FER1L6: variants seen among roughly 807,000 people sequenced by gnomAD.
FER1L6 encodes fer-1-like protein 6.
A neutral mutation model predicts 219.2 loss-of-function variants in FER1L6; 177 were observed. The observed-to-expected ratio is 0.81, with a 90% CI of 0.71 to 0.91. The LOEUF (loss-of-function observed/expected upper bound fraction) is 0.91. Ranked by LOEUF, FER1L6 falls within the 40% of genes least tolerant of loss-of-function variation. The pLI is 0.00. For missense variants in FER1L6, 2,153 were observed against 2,259.9 expected (o/e 0.95, Z 0.96); for synonymous variants, 768 against 824.3 (o/e 0.93, Z 1.17).
At chr8:124,072,795 A>G (rs1821131636) in intron 31 of FER1L6, among the ~76,000 whole-genome samples, 1 of 152,172 alleles carries the variant, frequency 6.6e-6, no homozygotes, top group Non-Finnish European at 1.5e-5. Context: ...AACATGAAAC[A>G]CCACCCTCAG....
intron 1 of FER1L6, among the ~76,000 whole-genome samples, chr8:123,920,589 G>T (rs533930934): frequency 1.3e-5 from 2 of 152,352 alleles, no homozygotes; most frequent in South Asian, 4.1e-4. Context: ...GGCTACAGTT[G>T]TGTAGAAAAC....
At chr8:124,015,278 G>A (rs1190653655) in intron 15 of FER1L6, among the ~76,000 whole-genome samples, 1 of 152,082 alleles carries the variant, frequency 6.6e-6, no homozygotes, top group Non-Finnish European at 1.5e-5. Context: ...TGAATTGCAG[G>A]AGGTAGGACT....
At chr8:124,062,122 C>G (rs937304722) in intron 25 of FER1L6, 90 bp downstream of exon 25, 2 of 1,382,478 alleles carry the variant, frequency 1.4e-6, no homozygotes, top group South Asian at 2.6e-5. Flanking sequence ...AAAGAGGATG[C>G]CCCACAGCCA....
At chr8:123,984,294 C>A (rs758438768) in intron 11 of FER1L6, 2 of 152,174 alleles carry the variant, frequency 1.3e-5, no homozygotes, top group African/African-American at 2.4e-5. Flanking sequence ...CAATCAGCCT[C>A]GGAATGGAAG....
chr8:124,033,345 G>A (rs1448819769), intron 18 of FER1L6, among the ~76,000 whole-genome samples: 2 of 152,168 alleles, frequency 1.3e-5, no homozygotes, highest in East Asian at 1.9e-4. Context: ...CTTTCAATAC[G>A]TATTAATTTT....
chr8:123,970,095 T>G lies in FER1L6; in HGVS notation c.445T>G (p.Ser149Ala). The change falls in exon 6 of 41, where the codon TCC (serine) becomes GCC (alanine). Residue 149 changes from serine to alanine, a missense_variant and splice_region_variant. By Grantham distance (99) the Ser-to-Ala change is moderately conservative. Transcript: ENST00000522917. ...VHLFDKIIKI[S>A]VFHHKLIGSV... Reference sequence around the variant, plus strand: ...TCTTTTTGACAAGATCATCAAAATCTCCGTAAGTATAGCATTGGTGGTAAT... The same window carrying G: ...TCTTTTTGACAAGATCATCAAAATCGCCGTAAGTATAGCATTGGTGGTAAT... 1 of 1,613,800 alleles carries G rather than the reference T, an allele frequency of 6.2e-7. No homozygotes were observed. The highest frequency in any genetic ancestry group is 1.3e-5 in the African/African-American group (1 of 75,024).
chr8:123,946,001 T>A (rs1422497989), intron 1 of FER1L6, among the ~76,000 whole-genome samples: 1 of 152,108 alleles, frequency 6.6e-6, no homozygotes, highest in Non-Finnish European at 1.5e-5. Flanking sequence ...AAAAAGTCAA[T>A]TTTGACTGAA....
At chr8:123,945,574 G>T (rs144763027) in intron 1 of FER1L6, among the ~76,000 whole-genome samples, 90 of 152,176 alleles carry the variant, frequency 5.9e-4, no homozygotes, top group African/African-American at 2.1e-3. Context: ...ATTTCTGGCG[G>T]TTACTTTTTT....
chr8:124,045,117 C>T (rs1351323169), intron 20 of FER1L6, among the ~76,000 whole-genome samples: 1 of 152,196 alleles, frequency 6.6e-6, no homozygotes, highest in Non-Finnish European at 1.5e-5. Flanking sequence ...AGGTCAAATA[C>T]CCAACTTCAG....
At chr8:124,059,117 G>A (rs141536593) in intron 22 of FER1L6, 4 of 152,318 alleles carry the variant, frequency 2.6e-5, no homozygotes, top group African/African-American at 9.6e-5. Flanking sequence ...GAGGGGCTTG[G>A]AGAATGAAGT....
chr8:123,952,493 C>T (rs746539617), intron 1 of FER1L6, among the ~76,000 whole-genome samples: 24 of 152,182 alleles, frequency 1.6e-4, no homozygotes, highest in Non-Finnish European at 2.6e-4. Context: ...TTCCTGTGTA[C>T]CTCTTGCCTT....
At chr8:123,940,673 G>A (rs890990360) in intron 1 of FER1L6, among the ~76,000 whole-genome samples, 1 of 152,118 alleles carries the variant, frequency 6.6e-6, no homozygotes, top group African/African-American at 2.4e-5. Flanking sequence ...AATATGATCT[G>A]TCTTTTGCAT....
At chr8:124,035,550 T>A in intron 19 of FER1L6, 96 bp downstream of exon 19, 1 of 1,244,358 alleles carries the variant, frequency 8.0e-7, no homozygotes, top group Non-Finnish European at 1.1e-6. Flanking sequence ...TTTTTGCACA[T>A]TATTTTAGGG....
At chr8:123,927,497 A>G (rs2129891149) in intron 1 of FER1L6, among the ~76,000 whole-genome samples, 1 of 152,334 alleles carries the variant, frequency 6.6e-6, no homozygotes, top group Middle Eastern at 3.4e-3. Context: ...TTGTATTTAA[A>G]TATCCAAGGA....
intron 1 of FER1L6, among the ~76,000 whole-genome samples, chr8:123,860,425 A>G (rs1816726722): frequency 3.2e-4 from 26 of 81,870 alleles, no homozygotes; most frequent in Non-Finnish European, 3.6e-4. Flanking sequence ...ATTGTGAATA[A>G]TGCCGCAATA....
At chr8:124,100,287 G>A (rs534689217) in intron 37 of FER1L6, among the ~76,000 whole-genome samples, 40 of 152,284 alleles carry the variant, frequency 2.6e-4, no homozygotes, top group Non-Finnish European at 1.8e-4. Flanking sequence ...TGTAACTTAC[G>A]TTATGCTGGG....
intron 1 of FER1L6, among the ~76,000 whole-genome samples, chr8:123,879,898 C>A (rs923650555): frequency 1.3e-5 from 2 of 152,130 alleles, no homozygotes; most frequent in African/African-American, 4.8e-5. Context: ...TTGGATGCTG[C>A]CTTATTACCA....
chr8:124,102,018 G>C (rs1822568858), intron 38 of FER1L6, among the ~76,000 whole-genome samples: 1 of 152,178 alleles, frequency 6.6e-6, no homozygotes, highest in African/African-American at 2.4e-5. Context: ...GAATGTCTAG[G>C]TTATGATAAG....
chr8:124,039,755 T>C (rs1411063255), intron 19 of FER1L6, 127 bp from the exon 20 acceptor site: 2 of 1,176,686 alleles, frequency 1.7e-6, no homozygotes, highest in African/African-American at 1.5e-5. Context: ...GGAGGGTGGA[T>C]GTGGCTGGTG....
Sources: allele counts gnomAD v4.1 joint callset (sites outside exome capture counted in the v4.1 genomes callset), GRCh38; gene constraint gnomAD v4.1.1; transcripts MANE v1.5; gene names NCBI Gene and HGNC (gene_info 2026-07-23, HGNC 2026-07-21).